The following CWF19L2 variants were observed in gnomAD, a reference collection of about 807,000 sequenced individuals.
The protein encoded by CWF19L2 is CWF19-like protein 2.
CWF19L2 carries 98 observed loss-of-function variants against 111.7 expected under a neutral mutation model. That is an observed-to-expected ratio of 0.88 (90% CI 0.75 to 1.04). CWF19L2 has a LOEUF of 1.04. CWF19L2 is among the 50% of genes least tolerant of loss of function. CWF19L2 has a pLI of 0.00. For missense variants in CWF19L2, 1,101 were observed against 1,051.4 expected, an observed-to-expected ratio of 1.05 and a Z score of -0.65; for synonymous variants, 351 against 342.9, an observed-to-expected ratio of 1.02 and a Z score of -0.26.
chr11:107,413,616 T>C (rs75146437), intron 10 of CWF19L2, among the ~76,000 whole-genome samples: 6,714 of 152,272 alleles, frequency 0.044, 308 homozygotes, highest in East Asian at 0.22. Flanking sequence ...GTGTGTAAGA[T>C]AGACTTCACA....
At chr11:107,407,444 G>C (rs74450502) in intron 10 of CWF19L2, among the ~76,000 whole-genome samples, 1,947 of 150,836 alleles carry the variant, frequency 0.013, 33 homozygotes, top group African/African-American at 0.044. Flanking sequence ...GAATTCATCC[G>C]TCCAAGACAA....
intron 16 of CWF19L2, 61 bp from the exon 17 acceptor site, chr11:107,330,080 C>A (rs1859823347): frequency 1.1e-6 from 1 of 942,448 alleles, no homozygotes; most frequent in Non-Finnish European, 1.6e-6. Context: ...TATGTTTAAT[C>A]CCTCCCCTCT....
intron 9 of CWF19L2, 141 bp from the exon 10 acceptor site, chr11:107,416,439 T>C (rs1446077689): frequency 5.5e-6 from 2 of 366,268 alleles, no homozygotes; most frequent in Non-Finnish European, 9.7e-6. Context: ...TACCAACCCA[T>C]AGCCTAGTAT....
chr11:107,358,070 ACAAT>A (rs1860265088), intron 12 of CWF19L2, among the ~76,000 whole-genome samples: 1 of 152,222 alleles, frequency 6.6e-6, no homozygotes, highest in Non-Finnish European at 1.5e-5. Flanking sequence ...TAGGATGGCT[ACAAT>A]CAAATAGACA....
At chr11:107,338,095 T>C (rs1295411652) in intron 14 of CWF19L2, among the ~76,000 whole-genome samples, 1 of 152,182 alleles carries the variant, frequency 6.6e-6, no homozygotes, top group Non-Finnish European at 1.5e-5. Context: ...TTATGCTATG[T>C]TGCCCAGGCT....
At chr11:107,379,251 A>G (rs1860644773) in intron 12 of CWF19L2, among the ~76,000 whole-genome samples, 1 of 152,242 alleles carries the variant, frequency 6.6e-6, no homozygotes, top group Non-Finnish European at 1.5e-5. Context: ...TGTGTTCTCA[A>G]ATGAGGCAAT....
intron 8 of CWF19L2, among the ~76,000 whole-genome samples, chr11:107,422,484 CA>C (rs1038427742): frequency 2.0e-5 from 3 of 151,894 alleles, no homozygotes; most frequent in Non-Finnish European, 4.4e-5. Context: ...CAAAGGCTTT[CA>C]GGGGGGTGAT....
intron 14 of CWF19L2, chr11:107,345,480 C>A: frequency 2.2e-6 from 1 of 458,982 alleles, no homozygotes; most frequent in Non-Finnish European, 4.5e-6. Context: ...GATGACTGTT[C>A]TAGATTTTAT....
intron 12 of CWF19L2, among the ~76,000 whole-genome samples, chr11:107,364,607 G>C (rs1398179319): frequency 7.6e-6 from 1 of 131,596 alleles, no homozygotes; most frequent in African/African-American, 3.4e-5. Context: ...CAGAAATAAA[G>C]ATGTTCTTTG....
Position 107,372,795 on chromosome 11 carries a change from C to T in CWF19L2, c.1872+17279G>A, listed in dbSNP as rs1377890547. Among the ~76,000 whole-genome samples, 5 of 131,912 alleles carry T rather than the reference C, an allele frequency of 3.8e-5. 2 individuals are homozygous for T. The highest frequency in any genetic ancestry group is 1.6e-4 in the African/African-American group (5 of 31,692). The allele number at this position is 131,912 out of a possible 152,430, so 86.5% of individuals were successfully genotyped here. On this transcript the variant is annotated intron_variant, in intron 12 of 17. Coordinates refer to ENST00000282251, the MANE Select transcript of CWF19L2 (RefSeq NM_152434.3). ...CAAGATGGCCAAATAGGAACTGCTC[C>T]GGTCTACAGCTCCCAGCGTGAGCGA...
At chr11:107,432,452 G>A (rs1177486958) in intron 7 of CWF19L2, among the ~76,000 whole-genome samples, 7 of 152,032 alleles carry the variant, frequency 4.6e-5, no homozygotes, top group African/African-American at 1.7e-4. Flanking sequence ...GCGTGGTGGT[G>A]TGCTCCTGCA....
intron 13 of CWF19L2, among the ~76,000 whole-genome samples, chr11:107,350,687 T>C (rs1399109011): frequency 6.6e-6 from 1 of 151,770 alleles, no homozygotes; most frequent in Non-Finnish European, 1.5e-5. Flanking sequence ...AAATAAACAA[T>C]GTAAATGTAA....
At chr11:107,373,995 C>T (rs181453491) in intron 12 of CWF19L2, among the ~76,000 whole-genome samples, 2 of 135,110 alleles carry the variant, frequency 1.5e-5, no homozygotes, top group Non-Finnish European at 3.1e-5. Flanking sequence ...GGAGCTGATG[C>T]GATCAACTGG....
chr11:107,433,125 T>TC (rs1182161906), intron 7 of CWF19L2, among the ~76,000 whole-genome samples: 1 of 151,994 alleles, frequency 6.6e-6, no homozygotes, highest in Non-Finnish European at 1.5e-5. Flanking sequence ...AAACCTGCTT[T>TC]CCCCCGGCAA....
chr11:107,454,010 G>C (rs1047810511), intron 3 of CWF19L2, among the ~76,000 whole-genome samples: 1 of 152,200 alleles, frequency 6.6e-6, no homozygotes, highest in East Asian at 1.9e-4. Flanking sequence ...CCAGGTACAA[G>C]TCTAAGGTTT....
intron 14 of CWF19L2, among the ~76,000 whole-genome samples, chr11:107,343,186 G>T (rs1222682076): frequency 6.6e-6 from 1 of 152,202 alleles, no homozygotes; most frequent in Non-Finnish European, 1.5e-5. Context: ...CAGTCTGGTT[G>T]TTCCACCAGT....
rs79841728 is a variant in CWF19L2 at position 107,374,022 on chromosome 11, A to G, written c.1872+16052T>C. Among the ~76,000 whole-genome samples, 1,138 of 137,232 alleles carry G rather than the reference A, an allele frequency of 8.3e-3. 182 individuals are homozygous for G. The highest frequency in any genetic ancestry group is 0.011 in the Non-Finnish European group (732 of 64,212). 90.0% of individuals were successfully genotyped at this position (137,232 alleles called of 152,430 possible). ...ATCAACTGGAAGAAAGGGTATCAGC[A>G]ATGGAAGATGAACTGAATGAAATGA... On this transcript the variant is annotated intron_variant, in intron 12 of 17. Transcript: ENST00000282251.
chr11:107,410,574 T>C (rs1357155787), intron 10 of CWF19L2, among the ~76,000 whole-genome samples: 1 of 152,180 alleles, frequency 6.6e-6, no homozygotes, highest in East Asian at 1.9e-4. Context: ...TAACACTTCG[T>C]ATGATACTTC....
At chr11:107,439,831 G>A (rs1001983096) in intron 5 of CWF19L2, among the ~76,000 whole-genome samples, 24 of 152,202 alleles carry the variant, frequency 1.6e-4, no homozygotes, top group African/African-American at 5.8e-4. Flanking sequence ...ACTGCTATGA[G>A]GGTTTCATGC....
Sources: gnomAD v4.1 joint callset for allele counts (sites outside exome capture counted in the v4.1 genomes callset) on GRCh38, gnomAD v4.1.1 for gene constraint, MANE v1.5 for transcripts, NCBI Gene and HGNC (gene_info 2026-07-23, HGNC 2026-07-21) for gene names.